ZNF446: variants seen among roughly 807,000 people sequenced by gnomAD.
The protein encoded by ZNF446 is zinc finger protein 446.
Under a neutral mutation model 34.0 loss-of-function variants are expected in ZNF446, and 42 were observed. The ratio of observed to expected loss-of-function variants is 1.23; its 90% CI spans 0.96 to 1.60. ZNF446 has a LOEUF of 1.60. Among genes scored for constraint, ZNF446 ranks in the 40% most tolerant of loss-of-function variants. The pLI is 0.00. For synonymous variants in ZNF446, 315 were observed against 251.0 expected (o/e 1.25, Z -2.41); for missense variants, 650 against 600.2 (o/e 1.08, Z -0.87).
At position 58,477,394 on chromosome 19, in the gene ZNF446, C is replaced by T; in HGVS notation, c.176C>T (p.Ala59Val). Residue 59 changes from alanine to valine, a missense_variant, in exon 2 of 7, where the codon GCA (alanine) becomes GTA (valine). Physicochemically the swap from Ala to Val is moderately conservative, Grantham distance 64. Coordinates refer to ENST00000594369, the MANE Select transcript of ZNF446 (RefSeq NM_017908.4). ...TGTTGCCAGTGGCTGCAGCCTGAGG[C>T]ACACTCCAAGGAGCAGATGCTGGAG... ...ELCCQWLQPEAHSKEQMLEML... is the reference protein window; with the variant it reads ...ELCCQWLQPEVHSKEQMLEML... 1 of 1,613,368 alleles carries T rather than the reference C, an allele frequency of 6.2e-7. No individual in the cohort carries two copies. The highest frequency in any genetic ancestry group is 8.5e-7 in the Non-Finnish European group (1 of 1,180,006).
In ZNF446 at chr19:58,480,227, G is replaced by T; in HGVS notation, c.854G>T (p.Gly285Val). ...TGCCCAGAGGCCCAGCCGCCCCAGG[G>T]CCCAGGGCCGGCAGCCTGGGAGGGC... Reference protein sequence around the residue: ...PGCPEAQPPQGPGPAAWEGLS... With the variant: ...PGCPEAQPPQVPGPAAWEGLS... The change falls in exon 7 of 7, where the codon GGC becomes GTC. Residue 285 changes from glycine to valine, a missense_variant. Physicochemically the swap from Gly to Val is moderately radical, Grantham distance 109. Transcript: ENST00000594369. The surrounding 1 kb of genome is among the most constrained non-coding windows in gnomAD (Gnocchi z 7.2). 1 of 1,594,508 alleles carries T rather than the reference G, an allele frequency of 6.3e-7. No individual in the cohort carries two copies.
Position 58,480,075 on chromosome 19 carries a change from A to G in ZNF446, c.802+56A>G. 1 of 1,556,856 alleles carries G rather than the reference A, an allele frequency of 6.4e-7. No homozygotes were observed. The highest frequency in any genetic ancestry group is 8.6e-7 in the Non-Finnish European group (1 of 1,156,240). On this transcript the variant is annotated intron_variant, in intron 6 of 6. Transcript: ENST00000594369. The surrounding 1 kb of genome is among the most constrained non-coding windows in gnomAD (Gnocchi z 7.2). Reference sequence around the variant, plus strand: ...ACCCCTCCTGTATCGGTGGGACCTGAGCCACCCACTCATGGGGGGACGGGA... The same window carrying G: ...ACCCCTCCTGTATCGGTGGGACCTGGGCCACCCACTCATGGGGGGACGGGA...
chr19:58,482,204 T>C (rs1244900950), downstream of ZNF446, among the ~76,000 whole-genome samples: 7 of 152,126 alleles, frequency 4.6e-5, no homozygotes, highest in Non-Finnish European at 8.8e-5. Flanking sequence ...CCTTTTTTTT[T>C]TCTTGGTCCA....
chr19:58,478,678 A>T (rs2011666), intron 4 of ZNF446, among the ~76,000 whole-genome samples: 1 of 151,750 alleles, frequency 6.6e-6, no homozygotes, highest in Non-Finnish European at 1.5e-5. Flanking sequence ...AACAAAAAAA[A>T]AAAAAAGGAT....
Position 58,481,043 on chromosome 19 carries a change from C to T in ZNF446, c.*317C>T, listed in dbSNP as rs1004642912. 20 of 368,644 alleles carry T rather than the reference C, an allele frequency of 5.4e-5. No individual in the cohort carries two copies. Among genetic ancestry groups the T allele is most frequent in the Admixed American group, 1.2e-4 (3 of 24,616 alleles). 22.8% of individuals were successfully genotyped at this position (368,644 alleles called of 1,614,324 possible). A position where few individuals can be genotyped will look rare whatever the true frequency, so the allele number is the denominator to read the frequency against. Reference sequence around the variant, plus strand: ...GACATGGCCTGGGCTGACAACACTCCCTCTCCTGGGACCTCCTTGCCTCAG... The same window carrying T: ...GACATGGCCTGGGCTGACAACACTCTCTCTCCTGGGACCTCCTTGCCTCAG... On this transcript the variant is annotated 3_prime_UTR_variant, in exon 7 of 7. Coordinates refer to ENST00000594369, the MANE Select transcript of ZNF446 (RefSeq NM_017908.4).
At position 58,477,828 on chromosome 19, in the gene ZNF446, T is replaced by G. The variant is rs897384405; in HGVS notation, c.532+2T>G. The G allele has an allele frequency of 1.3e-6, 2 of 1,546,288 alleles. No individual in the cohort carries two copies. The highest frequency in any genetic ancestry group is 1.7e-6 in the Non-Finnish European group (2 of 1,149,086). ...CCAATGTCGATGGACAGGAAGTGGG[T>G]GAGGTTGGGGTCCCACCAGAGATGA... On this transcript the variant is annotated splice_donor_variant, in intron 3 of 6. Transcript: ENST00000594369. LOFTEE classifies it high-confidence loss of function.
At chr19:58,485,596 A>T (rs1331311101), downstream of ZNF446, among the ~76,000 whole-genome samples, 1 of 152,140 alleles carries the variant, frequency 6.6e-6, no homozygotes, top group African/African-American at 2.4e-5. Context: ...ATATACATGA[A>T]ATGACTCAAC....
intron 4 of ZNF446, among the ~76,000 whole-genome samples, chr19:58,478,853 C>T (rs2053112722): frequency 1.3e-5 from 2 of 151,904 alleles, no homozygotes; most frequent in Admixed American, 6.6e-5. Flanking sequence ...AGAAGATGAC[C>T]AGCTGTGGCA....
At position 58,477,463 on chromosome 19, in the gene ZNF446, T is replaced by A; in HGVS notation, c.245T>A (p.Ile82Asn). The change falls in exon 2 of 7, where the codon ATC (isoleucine) becomes AAC (asparagine). Residue 82 changes from isoleucine to asparagine, a missense_variant. Coordinates refer to ENST00000594369, the MANE Select transcript of ZNF446 (RefSeq NM_017908.4). ...TTCCTGGGCACACTGCCTCCCGAGATCCAGGCCTGGGTGCGCGGTCAGCGG... is the reference window on the plus strand; with the variant it reads ...TTCCTGGGCACACTGCCTCCCGAGAACCAGGCCTGGGTGCGCGGTCAGCGG... ...EQFLGTLPPE[I>N]QAWVRGQRPG... The A allele has an allele frequency of 6.2e-7, 1 of 1,613,612 alleles. No homozygotes were observed. Among genetic ancestry groups the A allele is most frequent in the Non-Finnish European group, 8.5e-7 (1 of 1,180,002 alleles).
chr19:58,479,650 G>C lies in ZNF446; in HGVS notation c.635G>C (p.Trp212Ser), dbSNP rs1477366561. The C allele has an allele frequency of 6.2e-7, 1 of 1,613,654 alleles. No individual in the cohort carries two copies. The highest frequency in any genetic ancestry group is 1.1e-5 in the South Asian group (1 of 90,992). The change falls in exon 5 of 7, where the codon TGG becomes TCG. Residue 212 changes from tryptophan (W) to serine (S), a missense_variant. Coordinates refer to ENST00000594369, the MANE Select transcript of ZNF446 (RefSeq NM_017908.4). Reference sequence around the variant, plus strand: ...GATGGGCCACATCCGCAGGAGGAGTGGGGGCTGCTGGACCGGTCACAGAAG... The same window carrying C: ...GATGGGCCACATCCGCAGGAGGAGTCGGGGCTGCTGGACCGGTCACAGAAG... ...SFHPPRIQEE[W>S]GLLDRSQKEL...
Position 58,476,483 on chromosome 19 carries a change from C to T in ZNF446, c.-62C>T, listed in dbSNP as rs551227279. 6.6e-6 allele frequency: 1 copy of T among 152,420 alleles called. No individual in the cohort carries two copies. The highest frequency in any genetic ancestry group is 2.1e-4 in the South Asian group (1 of 4,832). The allele number at this position is 152,420 out of a possible 1,614,324, so 9.4% of individuals were successfully genotyped here. ...CCCTCGGATAGGCCGGGTGTCAGGC[C>T]TGGTCTCTCAGGCCCGTCCAGGTGG... On this transcript the variant is annotated 5_prime_UTR_variant, in exon 1 of 7. Coordinates refer to ENST00000594369, the MANE Select transcript of ZNF446 (RefSeq NM_017908.4).
the ZNF446 span, among the ~76,000 whole-genome samples, chr19:58,486,959 C>T: frequency 5.3e-5 from 8 of 151,288 alleles, no homozygotes; most frequent in East Asian, 2.0e-4. Flanking sequence ...CCCGCCACCA[C>T]ACCCAGCTAA....
the ZNF446 span, among the ~76,000 whole-genome samples, chr19:58,486,754 G>A: frequency 1.3e-5 from 2 of 150,034 alleles, no homozygotes; most frequent in African/African-American, 4.9e-5. Flanking sequence ...TCGCCATGTT[G>A]CCCAGGCTGA....
At chr19:58,488,552 TA>T in the ZNF446 span, among the ~76,000 whole-genome samples, 42,161 of 100,134 alleles carry the variant, frequency 0.42, 7,409 homozygotes, top group African/African-American at 0.56. Flanking sequence ...ATGACTATGA[TA>T]AAAAAAAAAA....
At chr19:58,486,719 G>T in the ZNF446 span, among the ~76,000 whole-genome samples, 4 of 149,064 alleles carry the variant, frequency 2.7e-5, no homozygotes, top group South Asian at 6.3e-4. Context: ...TTTTTTTTTG[G>T]GGGGGGGCGG....
intron 1 of ZNF446, among the ~76,000 whole-genome samples, chr19:58,476,971 A>G (rs1266932826): frequency 1.3e-5 from 2 of 152,024 alleles, no homozygotes; most frequent in Non-Finnish European, 2.9e-5. Context: ...GCGTCCAAGC[A>G]TTTGTCCCTG....
Position 58,480,396 on chromosome 19 carries a change from C to T in ZNF446, c.1023C>T (p.Phe341=), listed in dbSNP as rs138401322. 59 of 1,612,150 alleles carry T rather than the reference C, an allele frequency of 3.7e-5. No individual in the cohort carries two copies. In the African/African-American group the frequency reaches 5.6e-4, roughly 15 times the overall value. The change falls in exon 7 of 7, where the codon TTC becomes TTT. Residue 341 remains phenylalanine (F), a synonymous_variant. Coordinates refer to ENST00000594369, the MANE Select transcript of ZNF446 (RefSeq NM_017908.4). This position sits in a 1 kb window ranked among gnomAD's most constrained non-coding sequence, Gnocchi z 7.2. ...PYTCEQCGRG[F]DWKSVFVIHH... is the part of the protein sequence containing the mutation. Reference sequence around the variant, plus strand: ...CGTGCGAGCAGTGTGGCCGCGGCTTCGACTGGAAGTCAGTGTTCGTCATCC... The same window carrying T: ...CGTGCGAGCAGTGTGGCCGCGGCTTTGACTGGAAGTCAGTGTTCGTCATCC...
downstream of ZNF446, among the ~76,000 whole-genome samples, chr19:58,481,838 G>T (rs143505568): frequency 3.3e-3 from 499 of 152,260 alleles, 2 homozygotes; most frequent in African/African-American, 0.011. Context: ...CAGTTGCCCA[G>T]GCTGCAGTGC....
rs531026417 is a variant in ZNF446 at position 58,476,476 on chromosome 19, G to A, written c.-69G>A. On this transcript the variant is annotated 5_prime_UTR_variant, in exon 1 of 7. Coordinates refer to ENST00000594369, the MANE Select transcript of ZNF446 (RefSeq NM_017908.4). Reference sequence around the variant, plus strand: ...CGAGCATCCCTCGGATAGGCCGGGTGTCAGGCCTGGTCTCTCAGGCCCGTC... The same window carrying A: ...CGAGCATCCCTCGGATAGGCCGGGTATCAGGCCTGGTCTCTCAGGCCCGTC... 3.3e-5 allele frequency: 5 copies of A among 152,376 alleles called. No individual in the cohort carries two copies. Among genetic ancestry groups the A allele is most frequent in the African/African-American group, 9.6e-5 (4 of 41,578 alleles). 9.4% of individuals were successfully genotyped at this position (152,376 alleles called of 1,614,324 possible). A position where few individuals can be genotyped will look rare whatever the true frequency, so the allele number is the denominator to read the frequency against.
Sources: gnomAD v4.1 joint callset for allele counts (sites outside exome capture counted in the v4.1 genomes callset) on GRCh38, gnomAD v4.1.1 for gene constraint, Gnocchi (gnomAD v3.1) non-coding constraint, MANE v1.5 for transcripts, NCBI Gene and HGNC (gene_info 2026-07-23, HGNC 2026-07-21) for gene names.